Variants in SLC35H1 observed in about 807,000 individuals in gnomAD.
SLC35H1 encodes the protein ovarian cancer-overexpressed gene 1 protein.
At chr20:46,362,678 C>T in the SLC35H1 span, among the ~76,000 whole-genome samples, 1 of 152,230 alleles carries the variant, frequency 6.6e-6, no homozygotes, top group African/African-American at 2.4e-5. Context: ...AGTCCAACTC[C>T]TTCACCCCCT....
chr20:46,357,226 T>C, the SLC35H1 span, among the ~76,000 whole-genome samples: 146,516 of 152,310 alleles, frequency 0.96, 70,697 homozygotes, highest in Middle Eastern at 1. Context: ...CTACCAGCCA[T>C]GGGCCCCGGC....
At chr20:46,358,501 C>A in the SLC35H1 span, 60 of 1,614,104 alleles carry the variant, frequency 3.7e-5, no homozygotes, top group Non-Finnish European at 4.7e-5. Context: ...GGGCCCACCT[C>A]CCCATTCGTG....
the SLC35H1 span, among the ~76,000 whole-genome samples, chr20:46,360,298 A>G: frequency 6.6e-6 from 1 of 152,276 alleles, no homozygotes; most frequent in African/African-American, 2.4e-5. Flanking sequence ...AAATGGCACC[A>G]AAAGTGTCCA....
At chr20:46,347,114 G>C in the SLC35H1 span, 1 of 152,156 alleles carries the variant, frequency 6.6e-6, no homozygotes, top group African/African-American at 2.4e-5. Flanking sequence ...GCTTCCTTCA[G>C]GTGTATGTAT....
At chr20:46,359,208 T>TC in the SLC35H1 span, among the ~76,000 whole-genome samples, 1 of 152,198 alleles carries the variant, frequency 6.6e-6, no homozygotes, top group African/African-American at 2.4e-5. Flanking sequence ...CACCCTTCAG[T>TC]CCTTCATCAA....
At chr20:46,358,375 G>T in the SLC35H1 span, 5 of 1,612,390 alleles carry the variant, frequency 3.1e-6, no homozygotes, top group African/African-American at 1.3e-5. Context: ...CCCCAGCAAG[G>T]CCTCCTGGTA....
chr20:46,358,322 G>T, the SLC35H1 span: 1 of 1,410,562 alleles, frequency 7.1e-7, no homozygotes, highest in Non-Finnish European at 1.0e-6. Context: ...AACATGAAGG[G>T]CACCGTAGCC....
the SLC35H1 span, chr20:46,350,885 G>A: frequency 6.2e-7 from 1 of 1,613,886 alleles, no homozygotes; most frequent in East Asian, 2.2e-5. Context: ...GCAAAGTGCA[G>A]ACTTCCTGGG....
chr20:46,351,681 C>A, the SLC35H1 span, among the ~76,000 whole-genome samples: 1 of 152,246 alleles, frequency 6.6e-6, no homozygotes, highest in South Asian at 2.1e-4. Context: ...TGGATAGGGG[C>A]TGTTCAACCT....
chr20:46,348,179 G>A, the SLC35H1 span: 1 of 143,454 alleles, frequency 7.0e-6, no homozygotes, highest in African/African-American at 2.5e-5. Context: ...GCTGGGTGGG[G>A]GAGGAGAGGG....
the SLC35H1 span, chr20:46,347,490 G>A: frequency 1.3e-5 from 2 of 152,372 alleles, no homozygotes; most frequent in African/African-American, 2.4e-5. Context: ...CCCCAAGTCC[G>A]GCAGTGTCTG....
chr20:46,359,494 G>C, the SLC35H1 span, among the ~76,000 whole-genome samples: 2 of 152,322 alleles, frequency 1.3e-5, no homozygotes, highest in South Asian at 4.1e-4. Flanking sequence ...GCGATTTTCA[G>C]GGGACTGGTC....
chr20:46,362,938 G>A, the SLC35H1 span: 1 of 152,264 alleles, frequency 6.6e-6, no homozygotes, highest in Non-Finnish European at 1.5e-5. Flanking sequence ...GGCTAATTTT[G>A]TATTTTTAGT....
At chr20:46,356,352 C>T in the SLC35H1 span, among the ~76,000 whole-genome samples, 5 of 152,196 alleles carry the variant, frequency 3.3e-5, no homozygotes, top group Admixed American at 2.0e-4. Flanking sequence ...GGCTTCCCCA[C>T]GCTGCCTGGC....
chr20:46,356,955 C>T, the SLC35H1 span, among the ~76,000 whole-genome samples: 1 of 56,244 alleles, frequency 1.8e-5, no homozygotes, highest in Non-Finnish European at 6.9e-5. Context: ...CCTTTTCCCT[C>T]AGGATGGAAC....
At chr20:46,355,688 C>T in the SLC35H1 span, 1 of 1,501,602 alleles carries the variant, frequency 6.7e-7, no homozygotes. The surrounding 1 kb of genome is among the most constrained non-coding windows in gnomAD (Gnocchi z 4.8). Flanking sequence ...CTACTGCCAC[C>T]TGGACTGGGC....
the SLC35H1 span, chr20:46,358,943 C>T: frequency 4.9e-6 from 3 of 614,108 alleles, no homozygotes; most frequent in South Asian, 5.6e-5. Context: ...TCTCCATGAA[C>T]TGCCACCAAA....
the SLC35H1 span, chr20:46,352,474 A>G: frequency 2.9e-5 from 14 of 487,020 alleles, no homozygotes; most frequent in South Asian, 3.6e-4. Flanking sequence ...AGATCCTAGC[A>G]GGATGATGCG....
the SLC35H1 span, chr20:46,350,209 C>T: frequency 8.7e-6 from 5 of 575,186 alleles, no homozygotes; most frequent in South Asian, 9.7e-5. Flanking sequence ...GCCTGGTGCT[C>T]GCCCCTTGTG....
Sources: gnomAD v4.1 joint callset for allele counts (sites outside exome capture counted in the v4.1 genomes callset) on GRCh38, gnomAD v4.1.1 for gene constraint, Gnocchi (gnomAD v3.1) non-coding constraint, MANE v1.5 for transcripts, NCBI Gene and HGNC (gene_info 2026-07-23, HGNC 2026-07-21) for gene names.